Variants in ARHGAP26 observed in about 807,000 individuals in gnomAD.
ARHGAP26 encodes the protein rho GTPase-activating protein 26.
In ARHGAP26, 38 loss-of-function variants were observed where a neutral mutation model predicts 104.8. That is an observed-to-expected ratio of 0.36 (90% CI 0.28 to 0.48). The LOEUF (loss-of-function observed/expected upper bound fraction) is 0.48, where lower values mean the gene tolerates loss of function less well. Among genes scored for constraint, ARHGAP26 ranks in the 20% least tolerant of loss-of-function variants. ARHGAP26 has a pLI of 0.99. For synonymous variants in ARHGAP26, 341 were observed against 340.0 expected (o/e 1.00, Z -0.03); for missense variants, 704 against 947.9 (o/e 0.74, Z 3.38).
At chr5:142,951,082 CAG>C (rs756155696) in intron 11 of ARHGAP26, among the ~76,000 whole-genome samples, 12 of 151,642 alleles carry the variant, frequency 7.9e-5, no homozygotes, top group Non-Finnish European at 1.5e-4. Context: ...CTTTCCGAGA[CAG>C]AGTCTCACTT....
At chr5:142,919,073 A>G (rs1762861766) in intron 10 of ARHGAP26, 1 of 397,112 alleles carries the variant, frequency 2.5e-6, no homozygotes, top group Non-Finnish European at 4.4e-6. Flanking sequence ...GTCCCTGCCA[A>G]AATCATATGC....
chr5:142,935,960 T>C (rs962525772), intron 11 of ARHGAP26, among the ~76,000 whole-genome samples: 8 of 152,082 alleles, frequency 5.3e-5, no homozygotes, highest in Non-Finnish European at 1.2e-4. Flanking sequence ...GTGTTTGCTG[T>C]CACCACTCTT....
At chr5:143,142,509 AC>A (rs1370024867) in intron 19 of ARHGAP26, among the ~76,000 whole-genome samples, 3 of 151,366 alleles carry the variant, frequency 2.0e-5, no homozygotes, top group East Asian at 3.9e-4. Context: ...TAAAAAAAAA[AC>A]ATTGTCCAAA....
chr5:142,837,416 C>T (rs1769801950), intron 1 of ARHGAP26, among the ~76,000 whole-genome samples: 1 of 151,980 alleles, frequency 6.6e-6, no homozygotes, highest in African/African-American at 2.4e-5. Context: ...CTTTCCTCTT[C>T]TACCACCCAC....
chr5:143,085,523 C>T (rs531994039), intron 17 of ARHGAP26, among the ~76,000 whole-genome samples: 2 of 152,200 alleles, frequency 1.3e-5, no homozygotes, highest in East Asian at 1.9e-4. Context: ...CTTAGGAGAA[C>T]GCGACAGAGG....
intron 20 of ARHGAP26, among the ~76,000 whole-genome samples, chr5:143,173,782 T>C (rs1050331433): frequency 6.6e-5 from 10 of 152,202 alleles, no homozygotes; most frequent in African/African-American, 1.7e-4. Flanking sequence ...TTCTGAGTCA[T>C]GCTGTGTGGA....
intron 1 of ARHGAP26, among the ~76,000 whole-genome samples, chr5:142,846,816 A>G (rs6893558): frequency 0.048 from 7,357 of 152,194 alleles, 252 homozygotes; most frequent in East Asian, 0.14. Flanking sequence ...CATTAATTCA[A>G]TATGTATTGA....
At chr5:142,786,375 C>T (rs1266877465) in intron 1 of ARHGAP26, among the ~76,000 whole-genome samples, 1 of 152,038 alleles carries the variant, frequency 6.6e-6, no homozygotes, top group Non-Finnish European at 1.5e-5. Context: ...TAGCTCACTG[C>T]AGCCTCGGAC....
chr5:143,173,904 G>A (rs1173493374), intron 20 of ARHGAP26, among the ~76,000 whole-genome samples: 1 of 152,148 alleles, frequency 6.6e-6, no homozygotes, highest in Non-Finnish European at 1.5e-5. Context: ...AGGCTGGTCT[G>A]CCCACAAAGA....
At chr5:143,125,854 G>A (rs1457863892) in intron 18 of ARHGAP26, among the ~76,000 whole-genome samples, 1 of 152,122 alleles carries the variant, frequency 6.6e-6, no homozygotes, top group Admixed American at 6.5e-5. Context: ...TTTTAGCTCT[G>A]TTTTTACAAA....
At chr5:142,971,482 C>G (rs561423034) in intron 11 of ARHGAP26, among the ~76,000 whole-genome samples, 10 of 152,054 alleles carry the variant, frequency 6.6e-5, no homozygotes, top group Non-Finnish European at 1.3e-4. Flanking sequence ...TGGGGAGGCC[C>G]CAGGGTATCA....
chr5:142,825,607 G>A (rs1021919968), intron 1 of ARHGAP26, among the ~76,000 whole-genome samples: 3 of 152,148 alleles, frequency 2.0e-5, no homozygotes, highest in Admixed American at 1.3e-4. Context: ...AAGTTCAAAG[G>A]GTTATTATTT....
intron 10 of ARHGAP26, chr5:142,921,613 A>G (rs1189935979): frequency 1.2e-5 from 2 of 167,128 alleles, no homozygotes; most frequent in East Asian, 1.9e-4. Flanking sequence ...TGAAGAATCT[A>G]CTGGAACCCT....
At chr5:142,820,961 C>A (rs1421933108) in intron 1 of ARHGAP26, among the ~76,000 whole-genome samples, 2 of 152,098 alleles carry the variant, frequency 1.3e-5, no homozygotes, top group Non-Finnish European at 2.9e-5. Context: ...ATCAAATTAC[C>A]CGGGAAGGCA....
At chr5:142,906,258 A>G (rs1030821707) in intron 8 of ARHGAP26, among the ~76,000 whole-genome samples, 1 of 152,054 alleles carries the variant, frequency 6.6e-6, no homozygotes, top group Non-Finnish European at 1.5e-5. Flanking sequence ...TACAGTCACT[A>G]TTTTCCCCTT....
At chr5:142,909,360 C>A (rs1421967388) in intron 9 of ARHGAP26, among the ~76,000 whole-genome samples, 1 of 152,104 alleles carries the variant, frequency 6.6e-6, no homozygotes, top group Non-Finnish European at 1.5e-5. Flanking sequence ...GTTGAGTTTG[C>A]GTGTGTGTGG....
At chr5:142,916,267 A>G (rs539668114) in intron 10 of ARHGAP26, among the ~76,000 whole-genome samples, 1 of 152,338 alleles carries the variant, frequency 6.6e-6, no homozygotes, top group South Asian at 2.1e-4. Flanking sequence ...GAATACATTT[A>G]TCCTTTATAC....
intron 1 of ARHGAP26, chr5:142,868,168 C>A (rs1754659926): frequency 6.6e-6 from 1 of 152,426 alleles, no homozygotes; most frequent in Admixed American, 6.5e-5. Flanking sequence ...TTGGGTTTGG[C>A]CTGATTAGAG....
chr5:143,187,374 T>A (rs1805309589), intron 20 of ARHGAP26, among the ~76,000 whole-genome samples: 1 of 152,178 alleles, frequency 6.6e-6, no homozygotes, highest in Non-Finnish European at 1.5e-5. Context: ...TCCAAGCCAT[T>A]TTTTCCTCTT....
Sources: gnomAD v4.1 joint callset for allele counts (sites outside exome capture counted in the v4.1 genomes callset) on GRCh38, gnomAD v4.1.1 for gene constraint, MANE v1.5 for transcripts, NCBI Gene and HGNC (gene_info 2026-07-23, HGNC 2026-07-21) for gene names.